The following TRHDE variants were observed in gnomAD, a reference collection of about 807,000 sequenced individuals.
TRHDE encodes thyrotropin-releasing hormone-degrading ectoenzyme.
Under a neutral mutation model 125.7 loss-of-function variants are expected in TRHDE, and 72 were observed. That is an observed-to-expected ratio of 0.57 (90% confidence interval 0.47 to 0.70). The LOEUF is 0.70. Ranked by LOEUF, TRHDE falls within the 30% of genes least tolerant of loss-of-function variation. The probability of loss-of-function intolerance (pLI) is 0.00; values close to 1 mark genes in which losing one functional copy is unlikely to be tolerated. For synonymous variants in TRHDE, 509 were observed against 509.1 expected, an observed-to-expected ratio of 1.00 and a Z score of 0.00; for missense variants, 1,110 against 1,327.1, an observed-to-expected ratio of 0.84 and a Z score of 2.54.
intron 6 of TRHDE, among the ~76,000 whole-genome samples, chr12:72,536,163 G>T (rs949205490): frequency 6.6e-6 from 1 of 152,142 alleles, no homozygotes; most frequent in Non-Finnish European, 1.5e-5. Context: ...AGAAGGAAAA[G>T]ATTATTTTGT....
At chr12:72,302,260 G>A (rs1262177752) in intron 2 of TRHDE, among the ~76,000 whole-genome samples, 1 of 151,846 alleles carries the variant, frequency 6.6e-6, no homozygotes, top group African/African-American at 2.4e-5. Context: ...GTGTGTGTGT[G>A]TGTGTGTGTG....
At chr12:72,452,111 G>A (rs1416378795) in intron 3 of TRHDE, among the ~76,000 whole-genome samples, 3 of 152,196 alleles carry the variant, frequency 2.0e-5, no homozygotes, top group Admixed American at 6.5e-5. Flanking sequence ...TTACAGGCGC[G>A]ATTTCTGTTT....
intron 17 of TRHDE, among the ~76,000 whole-genome samples, chr12:72,653,750 C>A (rs1247294327): frequency 6.6e-6 from 1 of 152,030 alleles, no homozygotes; most frequent in Non-Finnish European, 1.5e-5. Context: ...ATAATACACA[C>A]TAATTTATTA....
intron 6 of TRHDE, among the ~76,000 whole-genome samples, chr12:72,530,971 A>G (rs1192350425): frequency 3.9e-5 from 6 of 152,132 alleles, no homozygotes; most frequent in Non-Finnish European, 1.5e-5. Flanking sequence ...TGCCTTACAC[A>G]GCAGGCACTC....
chr12:72,623,540 T>C (rs570524763), intron 15 of TRHDE, among the ~76,000 whole-genome samples: 2 of 152,222 alleles, frequency 1.3e-5, no homozygotes, highest in African/African-American at 4.8e-5. Flanking sequence ...CAGTACCATC[T>C]GGTAGCTGGA....
intron 2 of TRHDE, among the ~76,000 whole-genome samples, chr12:72,355,427 G>A (rs779844173): frequency 6.6e-6 from 1 of 151,000 alleles, no homozygotes; most frequent in Non-Finnish European, 1.5e-5. Flanking sequence ...TGGTAAAATT[G>A]CCTTCTAAAA....
intron 12 of TRHDE, chr12:72,582,699 ACC>A: frequency 1.2e-6 from 1 of 828,818 alleles, no homozygotes; most frequent in Non-Finnish European, 1.5e-6. Context: ...GGAATTATAA[ACC>A]TTTTGTGAGA....
At chr12:72,463,070 T>C (rs1302986825) in intron 3 of TRHDE, among the ~76,000 whole-genome samples, 2 of 152,234 alleles carry the variant, frequency 1.3e-5, no homozygotes, top group Admixed American at 6.5e-5. Flanking sequence ...TATGGCACTT[T>C]AGATTTTCTG....
intron 2 of TRHDE, among the ~76,000 whole-genome samples, chr12:72,231,845 A>G (rs1420372260): frequency 1.3e-5 from 2 of 152,178 alleles, no homozygotes; most frequent in Non-Finnish European, 2.9e-5. Context: ...TCAGAGCTGG[A>G]GTAGAATTTT....
intron 1 of TRHDE, among the ~76,000 whole-genome samples, chr12:72,282,931 A>G (rs979420720): frequency 2.0e-5 from 3 of 152,210 alleles, no homozygotes; most frequent in Non-Finnish European, 2.9e-5. Flanking sequence ...GGTAGAGGCC[A>G]GGGATACTGC....
chr12:72,358,992 C>T (rs373042406), intron 2 of TRHDE, among the ~76,000 whole-genome samples: 5 of 151,498 alleles, frequency 3.3e-5, no homozygotes, highest in African/African-American at 9.7e-5. Context: ...CAGGTTCACA[C>T]AGTTTTATAG....
At chr12:72,352,474 C>G (rs905813874) in intron 2 of TRHDE, among the ~76,000 whole-genome samples, 1 of 151,658 alleles carries the variant, frequency 6.6e-6, no homozygotes, top group Non-Finnish European at 1.5e-5. Context: ...TACCCACTTC[C>G]CCATTTTTAT....
intron 15 of TRHDE, among the ~76,000 whole-genome samples, chr12:72,636,954 T>A (rs1261552122): frequency 6.6e-6 from 1 of 152,128 alleles, no homozygotes; most frequent in Non-Finnish European, 1.5e-5. Flanking sequence ...AGGATATTGG[T>A]CTAAAATTCT....
At position 72,272,867 on chromosome 12, in the gene TRHDE, C is replaced by T; in HGVS notation, c.224C>T (p.Thr75Met). 2 of 1,580,312 alleles carry T rather than the reference C, an allele frequency of 1.3e-6. No homozygotes were observed. The highest frequency in any genetic ancestry group is 1.7e-6 in the Non-Finnish European group (2 of 1,171,274). Residue 75 changes from threonine (T) to methionine (M), a missense_variant, in exon 1 of 19, where the codon ACG becomes ATG. Physicochemically the swap from Thr to Met is moderately conservative, Grantham distance 81. Around this residue, in one of 5 missense-constraint regions of TRHDE, gnomAD observed 248 missense variants for 240.8 expected, o/e 1.03. Transcript: ENST00000261180. This position sits in a 1 kb window ranked among gnomAD's most constrained non-coding sequence, Gnocchi z 6.7. Reference protein sequence around the residue: ...ADSVGVRPRTTERHIAVHKRL... With the variant: ...ADSVGVRPRTMERHIAVHKRL... Reference sequence around the variant, plus strand: ...TCAGTGGGAGTGCGACCCCGCACCACGGAGCGCCACATCGCCGTACACAAG... The same window carrying T: ...TCAGTGGGAGTGCGACCCCGCACCATGGAGCGCCACATCGCCGTACACAAG...
chr12:72,483,972 TTAAAA>T (rs1433815469), intron 5 of TRHDE, among the ~76,000 whole-genome samples: 2 of 152,190 alleles, frequency 1.3e-5, no homozygotes, highest in East Asian at 3.9e-4. Context: ...ATTTTATAAA[TTAAAA>T]TAACATAAAT....
At chr12:72,444,843 GTCT>G (rs941893489) in intron 3 of TRHDE, among the ~76,000 whole-genome samples, 1 of 151,750 alleles carries the variant, frequency 6.6e-6, no homozygotes, top group Admixed American at 6.6e-5. Context: ...ATTCTCCCTG[GTCT>G]TCTTCTGTGC....
intron 5 of TRHDE, among the ~76,000 whole-genome samples, chr12:72,477,798 A>G (rs1337142981): frequency 6.6e-6 from 1 of 152,182 alleles, no homozygotes; most frequent in Middle Eastern, 3.2e-3. Context: ...TCTGGTGCCG[A>G]TGCAGGTCAA....
chr12:72,438,830 T>A (rs1415456626), intron 3 of TRHDE, among the ~76,000 whole-genome samples: 1 of 151,942 alleles, frequency 6.6e-6, no homozygotes, highest in African/African-American at 2.4e-5. Context: ...GTTTTTATGG[T>A]CACATCTAAA....
intron 1 of TRHDE, among the ~76,000 whole-genome samples, chr12:72,102,826 C>T (rs1214916301): frequency 6.6e-6 from 1 of 152,170 alleles, no homozygotes; most frequent in Non-Finnish European, 1.5e-5. Context: ...CAAGGAAGGG[C>T]TTGTTGCCCC....
Sources: allele counts gnomAD v4.1 joint callset (sites outside exome capture counted in the v4.1 genomes callset), GRCh38; gene constraint gnomAD v4.1.1; regional missense constraint gnomAD v4.1.1; non-coding constraint Gnocchi (gnomAD v3.1); transcripts MANE v1.5; gene names NCBI Gene and HGNC (gene_info 2026-07-23, HGNC 2026-07-21).